DYNC1I1: variants seen among roughly 807,000 people sequenced by gnomAD.
DYNC1I1 encodes cytoplasmic dynein 1 intermediate chain 1.
DYNC1I1 carries 43 observed loss-of-function variants against 86.6 expected under a neutral mutation model. The ratio of observed to expected loss-of-function variants is 0.50; its 90% CI spans 0.39 to 0.64. The LOEUF (loss-of-function observed/expected upper bound fraction) is 0.64. Among genes scored for constraint, DYNC1I1 ranks in the 30% least tolerant of loss-of-function variants. The pLI, the probability that DYNC1I1 is intolerant of heterozygous loss-of-function variation, is 0.00. For synonymous variants in DYNC1I1, 262 were observed against 283.7 expected (o/e 0.92, Z 0.77); for missense variants, 604 against 788.8 (o/e 0.77, Z 2.81).
chr7:96,068,349 C>T (rs889970163), intron 14 of DYNC1I1, among the ~76,000 whole-genome samples: 30 of 152,090 alleles, frequency 2.0e-4, no homozygotes, highest in Admixed American at 2.0e-3. Context: ...TTCTCTCCAC[C>T]ATTAAAATAA....
At chr7:96,013,413 A>G (rs1794325733) in intron 10 of DYNC1I1, among the ~76,000 whole-genome samples, 1 of 152,062 alleles carries the variant, frequency 6.6e-6, no homozygotes, top group East Asian at 1.9e-4. Flanking sequence ...TAATAAATTT[A>G]TGTTGTTTTA....
chr7:95,782,284 A>G (rs1794013269), intron 1 of DYNC1I1, among the ~76,000 whole-genome samples: 2 of 152,238 alleles, frequency 1.3e-5, no homozygotes, highest in African/African-American at 4.8e-5. Flanking sequence ...TCAAATGACT[A>G]TGGAAGGGAA....
chr7:95,855,171 C>A (rs1789686446), intron 5 of DYNC1I1, among the ~76,000 whole-genome samples: 1 of 152,102 alleles, frequency 6.6e-6, no homozygotes, highest in African/African-American at 2.4e-5. Context: ...TTGGGAAAAT[C>A]TTTATTTATA....
intron 6 of DYNC1I1, among the ~76,000 whole-genome samples, chr7:95,915,870 TC>T (rs1448270996): frequency 6.6e-6 from 1 of 152,232 alleles, no homozygotes; most frequent in Non-Finnish European, 1.5e-5. Flanking sequence ...AAATAGGGTT[TC>T]CCATTGCAGC....
chr7:95,790,651 A>T (rs1304181682), intron 1 of DYNC1I1, among the ~76,000 whole-genome samples: 4 of 152,232 alleles, frequency 2.6e-5, no homozygotes, highest in Non-Finnish European at 5.9e-5. Context: ...GCTGACATAA[A>T]GTGGGTGACT....
chr7:95,978,672 G>A (rs1438501672), intron 7 of DYNC1I1, among the ~76,000 whole-genome samples: 1 of 152,170 alleles, frequency 6.6e-6, no homozygotes, highest in Non-Finnish European at 1.5e-5. Context: ...CAGCACTGGG[G>A]TCTTTGTAGG....
chr7:95,910,895 G>T (rs1791317126), intron 6 of DYNC1I1, among the ~76,000 whole-genome samples: 1 of 152,134 alleles, frequency 6.6e-6, no homozygotes, highest in African/African-American at 2.4e-5. Flanking sequence ...CGTAATATTG[G>T]CCATCATCAT....
intron 6 of DYNC1I1, among the ~76,000 whole-genome samples, chr7:95,942,792 T>C (rs1330229693): frequency 1.4e-5 from 2 of 144,580 alleles, no homozygotes; most frequent in African/African-American, 5.2e-5. Context: ...TCTCAATAGA[T>C]GCAGAAAAGG....
At chr7:95,945,375 C>T (rs1035255590) in intron 6 of DYNC1I1, among the ~76,000 whole-genome samples, 10 of 152,132 alleles carry the variant, frequency 6.6e-5, no homozygotes, top group Admixed American at 2.0e-4. Flanking sequence ...AAATTTATAG[C>T]ATCTTCTATC....
intron 6 of DYNC1I1, among the ~76,000 whole-genome samples, chr7:95,888,387 T>A (rs1039967676): frequency 6.6e-6 from 1 of 152,150 alleles, no homozygotes; most frequent in Non-Finnish European, 1.5e-5. Context: ...CAGTGAGCTG[T>A]GATCATGCCA....
intron 4 of DYNC1I1, among the ~76,000 whole-genome samples, chr7:95,813,732 G>A (rs575175529): frequency 1.3e-5 from 2 of 152,204 alleles, no homozygotes; most frequent in South Asian, 4.1e-4. Context: ...AGAATATTGA[G>A]ATGTTCTAAT....
At chr7:96,046,642 A>C (rs1446870656) in intron 14 of DYNC1I1, among the ~76,000 whole-genome samples, 1 of 152,204 alleles carries the variant, frequency 6.6e-6, no homozygotes, top group Non-Finnish European at 1.5e-5. Flanking sequence ...CCCAGTTGTA[A>C]GTCTGGTTTG....
At chr7:95,887,794 C>T (rs1192576320) in intron 6 of DYNC1I1, among the ~76,000 whole-genome samples, 1 of 152,140 alleles carries the variant, frequency 6.6e-6, no homozygotes, top group Non-Finnish European at 1.5e-5. Flanking sequence ...TATTTTAGAG[C>T]CTGCAAGCCC....
intron 3 of DYNC1I1, among the ~76,000 whole-genome samples, chr7:95,811,568 G>A (rs1323713454): frequency 1.3e-5 from 2 of 152,026 alleles, no homozygotes; most frequent in African/African-American, 4.8e-5. Flanking sequence ...ATTGCTGGAT[G>A]TAATTTAATA....
chr7:95,824,861 T>C (rs772858640), intron 4 of DYNC1I1, among the ~76,000 whole-genome samples: 17 of 152,242 alleles, frequency 1.1e-4, no homozygotes, highest in African/African-American at 4.1e-4. Flanking sequence ...ATTCGGCGAA[T>C]GTTTAATACA....
intron 6 of DYNC1I1, among the ~76,000 whole-genome samples, chr7:95,888,848 A>C (rs1790664803): frequency 6.6e-6 from 1 of 152,144 alleles, no homozygotes; most frequent in African/African-American, 2.4e-5. Flanking sequence ...AATTGAACTG[A>C]TTTGTAATTC....
At chr7:96,063,103 A>G (rs28757615) in intron 14 of DYNC1I1, among the ~76,000 whole-genome samples, 84 of 138,888 alleles carry the variant, frequency 6.0e-4, no homozygotes, top group African/African-American at 2.4e-3. Flanking sequence ...GTGTGTGTAT[A>G]TATATGTGTG....
At position 95,894,464 on chromosome 7, in the gene DYNC1I1, G is replaced by A. The variant is rs539422442; in HGVS notation, c.490+24466G>A. On this transcript the variant is annotated intron_variant, in intron 6 of 16. Transcript: ENST00000447467. Reference sequence around the variant, plus strand: ...GGATTTCAATACCTGAATTTGGGGGGGGGACATAAACATTTAGTCTATTGT... The same window carrying A: ...GGATTTCAATACCTGAATTTGGGGGAGGGACATAAACATTTAGTCTATTGT... Among the ~76,000 whole-genome samples the A allele has an allele frequency of 8.6e-5, 13 of 152,006 alleles. No individual in the cohort carries two copies. In the South Asian group the frequency reaches 2.7e-3, roughly 32 times the overall value.
chr7:96,038,536 A>G (rs751705786), intron 13 of DYNC1I1, among the ~76,000 whole-genome samples: 1 of 152,202 alleles, frequency 6.6e-6, no homozygotes, highest in Non-Finnish European at 1.5e-5. Flanking sequence ...CTGAGACATA[A>G]GTTTGTCTCT....
Sources: gnomAD v4.1 joint callset for allele counts (sites outside exome capture counted in the v4.1 genomes callset) on GRCh38, gnomAD v4.1.1 for gene constraint, MANE v1.5 for transcripts, NCBI Gene and HGNC (gene_info 2026-07-23, HGNC 2026-07-21) for gene names.